The following GPC2 variants were observed in gnomAD, a reference collection of about 807,000 sequenced individuals.
GPC2 encodes glypican-2.
GPC2 carries 42 observed loss-of-function variants against 57.3 expected under a neutral mutation model. The observed-to-expected ratio is 0.73, with a 90% CI of 0.57 to 0.95. The LOEUF (loss-of-function observed/expected upper bound fraction) is 0.95, where lower values mean the gene tolerates loss of function less well. Among genes scored for constraint, GPC2 ranks in the 40% least tolerant of loss-of-function variants. The pLI, the probability that GPC2 is intolerant of heterozygous loss-of-function variation, is 0.00. For missense variants in GPC2, 745 were observed against 793.6 expected, an observed-to-expected ratio of 0.94 and a Z score of 0.74; for synonymous variants, 364 against 343.4, an observed-to-expected ratio of 1.06 and a Z score of -0.66.
In GPC2 at chr7:100,175,913, A is replaced by C. The variant is rs1799263874; in HGVS notation, c.326-19T>G. ...AAAAACTCTGCAGCAAATGCAGGGA[A>C]CAGGTGGAAGGCAGGTCAGGCCAAA... On this transcript the variant is annotated intron_variant, in intron 2 of 9. Transcript: ENST00000292377. The C allele has an allele frequency of 6.2e-7, 1 of 1,607,954 alleles. No homozygotes were observed. Among genetic ancestry groups the C allele is most frequent in the Non-Finnish European group, 8.5e-7 (1 of 1,174,748 alleles).
rs374241494 is a variant in GPC2, at chr7:100,175,568, T to C, written c.648+4A>G. The C allele has an allele frequency of 6.2e-7, 1 of 1,602,604 alleles. No homozygotes were observed. Among genetic ancestry groups the C allele is most frequent in the African/African-American group, 1.3e-5 (1 of 74,742 alleles). On this transcript the variant is annotated splice_donor_region_variant and intron_variant, in intron 3 of 9. Coordinates refer to ENST00000292377, the MANE Select transcript of GPC2 (RefSeq NM_152742.3). ...GTTGAAGCTCAGGCCTCAGGATCCCTCACCTGCAGGCGGAGGCGGCGGGGT... is the reference window on the plus strand; with the variant it reads ...GTTGAAGCTCAGGCCTCAGGATCCCCCACCTGCAGGCGGAGGCGGCGGGGT...
chr7:100,173,439 CTTTCT>C (rs2116985241), intron 5 of GPC2: 1 of 146,544 alleles, frequency 6.8e-6, no homozygotes, highest in Non-Finnish European at 1.5e-5. Flanking sequence ...CTGATAATTT[CTTTCT>C]TTTTTTTTTT....
Position 100,169,928 on chromosome 7 carries a change from G to T in GPC2, c.*302C>A. 1 of 222,994 alleles carries T rather than the reference G, an allele frequency of 4.5e-6. No individual in the cohort carries two copies. The highest frequency in any genetic ancestry group is 8.5e-6 in the Non-Finnish European group (1 of 117,546). The allele number at this position is 222,994 out of a possible 1,614,324, so 13.8% of individuals were successfully genotyped here. On this transcript the variant is annotated 3_prime_UTR_variant, in exon 10 of 10. Transcript: ENST00000292377. ...CAACTCTAAACTCCTCATTTTCTCTGTTGGGGCTGATCACCAGCCCCAGCC... is the reference window on the plus strand; with the variant it reads ...CAACTCTAAACTCCTCATTTTCTCTTTTGGGGCTGATCACCAGCCCCAGCC...
rs781249251 is a variant in GPC2 at position 100,171,551 on chromosome 7, G to GCTCCGGTCCAGCAGGGCGCCGC, written c.1276_1297dup (p.Ala433GlyfsTer72). On this transcript the variant is annotated frameshift_variant, in exon 8 of 10. Transcript: ENST00000292377. LOFTEE classifies it high-confidence loss of function. The surrounding 1 kb of genome is among the most constrained non-coding windows in gnomAD (Gnocchi z 4.8). ...CCCCGAGGCTCACCGGCCCCGCCCG[G>GCTCCGGTCCAGCAGGGCGCCGC]CTCCGGTCCAGCAGGGCGCCGCCTC... 3 of 1,464,130 alleles carry GCTCCGGTCCAGCAGGGCGCCGC rather than the reference G, an allele frequency of 2.0e-6. No individual in the cohort carries two copies. The highest frequency in any genetic ancestry group is 1.8e-6 in the Non-Finnish European group (2 of 1,115,812). The allele number at this position is 1,464,130 out of a possible 1,614,324, so 90.7% of individuals were successfully genotyped here. A position where few individuals can be genotyped will look rare whatever the true frequency, so the allele number is the denominator to read the frequency against.
At chr7:100,174,409 C>A (rs1266048487) in intron 4 of GPC2, 6 of 558,042 alleles carry the variant, frequency 1.1e-5, no homozygotes, top group African/African-American at 1.9e-5. Flanking sequence ...GGGCAGTATC[C>A]AATCTCCTAC....
rs774176070 is a variant in GPC2 at position 100,174,759 on chromosome 7, G to T, written c.655C>A (p.Arg219=). ...SPRRLRLQIT[R]TLVAARAFVQ... is the part of the protein sequence containing the mutation. The stretch of plus-strand genomic sequence containing the variant: ...AAGGCTCGGGCAGCCACCAGGGTCC[G>T]GGTTATCTGGGAGAAGGCAAAGAAG... The change falls in exon 4 of 10, where the codon CGG becomes AGG. Residue 219 remains arginine, a synonymous_variant. Transcript: ENST00000292377. 6.8e-6 allele frequency: 11 copies of T among 1,613,586 alleles called. No homozygotes were observed. The highest frequency in any genetic ancestry group is 8.5e-6 in the Non-Finnish European group (10 of 1,179,696).
chr7:100,170,670 T>G (rs565575600), intron 9 of GPC2, among the ~76,000 whole-genome samples, 187 bp from the exon 10 acceptor site: 5 of 143,384 alleles, frequency 3.5e-5, no homozygotes, highest in South Asian at 2.2e-4. Context: ...AGGAGAGAGA[T>G]CCGACAGCAG....
At position 100,174,739 on chromosome 7, in the gene GPC2, T is replaced by G; in HGVS notation, c.675A>C (p.Arg225=). The G allele has an allele frequency of 6.2e-7, 1 of 1,614,020 alleles. No homozygotes were observed. The highest frequency in any genetic ancestry group is 8.5e-7 in the Non-Finnish European group (1 of 1,179,982). ...LQITRTLVAA[R]AFVQGLETGR... ...CAGTCTCCAGGCCCTGCACAAAGGCTCGGGCAGCCACCAGGGTCCGGGTTA... is the reference window on the plus strand; with the variant it reads ...CAGTCTCCAGGCCCTGCACAAAGGCGCGGGCAGCCACCAGGGTCCGGGTTA... The change falls in exon 4 of 10, where the codon CGA becomes CGC. Residue 225 remains arginine (R), a synonymous_variant. Coordinates refer to ENST00000292377, the MANE Select transcript of GPC2 (RefSeq NM_152742.3).
At chr7:100,176,077 T>TGGGGGGTGG in intron 2 of GPC2, 130 bp downstream of exon 2, 1 of 108,448 alleles carries the variant, frequency 9.2e-6, no homozygotes, top group Non-Finnish European at 1.2e-5. Flanking sequence ...AGACAGAGTC[T>TGGGGGGTGG]GGGGGGTGGG....
rs765590044 is a variant in GPC2, at chr7:100,171,276, C to T, written c.1471G>A (p.Asp491Asn). The stretch of plus-strand genomic sequence containing the variant: ...GGGGTCTCACCCGCGTCCTGCCCGT[C>T]CAGGTCGTGTCCCAGTGCGGCCGTT... The part of the protein sequence containing the change: ...MKTAALGHDL[D>N]GQDADEDASG... The change falls in exon 9 of 10, where the codon GAC (aspartate) becomes AAC (asparagine). Residue 491 changes from aspartate (D) to asparagine (N), a missense_variant. Transcript: ENST00000292377. This position sits in a 1 kb window ranked among gnomAD's most constrained non-coding sequence, Gnocchi z 4.8. 6.5e-7 allele frequency: 1 copy of T among 1,535,398 alleles called. No homozygotes were observed. Among genetic ancestry groups the T allele is most frequent in the Non-Finnish European group, 8.8e-7 (1 of 1,139,930 alleles).
rs982166376 is a variant in GPC2, at chr7:100,170,259, A to G, written c.1711T>C (p.Ser571Pro). The G allele has an allele frequency of 1.3e-6, 2 of 1,571,642 alleles. No individual in the cohort carries two copies. The highest frequency in any genetic ancestry group is 1.7e-6 in the Non-Finnish European group (2 of 1,157,666). Reference sequence around the variant, plus strand: ...CGAGGTCCAAGCAGGGCCAGGGCTGAGAGGGAGAGAATGAGGATGGTTTGG... The same window carrying G: ...CGAGGTCCAAGCAGGGCCAGGGCTGGGAGGGAGAGAATGAGGATGGTTTGG... ...HTQTILILSL[S>P]ALALLGPR The change falls in exon 10 of 10, where the codon TCA (serine) becomes CCA (proline). Residue 571 changes from serine (S) to proline (P), a missense_variant. Physicochemically the swap from Ser to Pro is moderately conservative, Grantham distance 74 (BLOSUM62 -1). This residue lies in a region of GPC2 where 607 missense variants were observed against 603.9 expected (regional missense o/e 1.01). Coordinates refer to ENST00000292377, the MANE Select transcript of GPC2 (RefSeq NM_152742.3).
At position 100,177,117 on chromosome 7, in the gene GPC2, A is replaced by T; in HGVS notation, c.83T>A (p.Val28Asp). 1 of 1,613,262 alleles carries T rather than the reference A, an allele frequency of 6.2e-7. No homozygotes were observed. Among genetic ancestry groups the T allele is most frequent in the Non-Finnish European group, 8.5e-7 (1 of 1,179,718 alleles). Residue 28 changes from valine to aspartate, a missense_variant, in exon 1 of 10, where the codon GTC becomes GAC. By Grantham distance (152) the Val-to-Asp change is radical (BLOSUM62 -3). Transcript: ENST00000292377. The part of the protein sequence containing the change: ...PGPGPGSEAK[V>D]TRSCAETRQV... ...CCGGGTCTCTGCACAACTCCGGGTG[A>T]CCTTTGCCTCGCTCCCGGGTCCGGG...
Position 100,173,961 on chromosome 7 carries a change from G to C in GPC2, c.766C>G (p.Arg256Gly). The change falls in exon 5 of 10, where the codon CGT becomes GGT. Residue 256 changes from arginine to glycine, a missense_variant. By Grantham distance (125) the Arg-to-Gly change is moderately radical. Around this residue, in one of 2 missense-constraint regions of GPC2, gnomAD observed 607 missense variants for 603.9 expected, o/e 1.01. Coordinates refer to ENST00000292377, the MANE Select transcript of GPC2 (RefSeq NM_152742.3). Reference protein sequence around the residue: ...VSEGCSQALMRLIGCPLCRGV... With the variant: ...VSEGCSQALMGLIGCPLCRGV... ...CGGCACAGGGGACAGCCGATGAGAC[G>C]CATCAGAGCCTGGCTGCAGCCTTCA... is the stretch of plus-strand genomic sequence containing the variant. The C allele has an allele frequency of 1.9e-6, 3 of 1,596,872 alleles. No homozygotes were observed. The highest frequency in any genetic ancestry group is 2.2e-5 in the South Asian group (2 of 89,014).
intron 1 of GPC2, 49 bp downstream of exon 1, chr7:100,176,985 C>CGGGGGGGGGGGGGGGGGGGGGG: frequency 6.9e-6 from 3 of 432,530 alleles, no homozygotes; most frequent in Non-Finnish European, 1.1e-5. Flanking sequence ...GAGGAGGCCC[C>CGGGGGGGGGGGGGGGGGGGGGG]GCCCCCGCCC....
rs1227770174 is a variant in GPC2, at chr7:100,171,258, C to T, written c.1486+3G>A. 2.0e-6 allele frequency: 3 copies of T among 1,530,524 alleles called. No individual in the cohort carries two copies. The highest frequency in any genetic ancestry group is 2.6e-6 in the Non-Finnish European group (3 of 1,137,772). 94.8% of individuals were successfully genotyped at this position (1,530,524 alleles called of 1,614,324 possible). ...CTCAGGCTCAGGGATGCAGGGGTCT[C>T]ACCCGCGTCCTGCCCGTCCAGGTCG... is the stretch of plus-strand genomic sequence containing the variant. On this transcript the variant is annotated splice_donor_region_variant and intron_variant, in intron 9 of 9. Coordinates refer to ENST00000292377, the MANE Select transcript of GPC2 (RefSeq NM_152742.3). The surrounding 1 kb of genome is among the most constrained non-coding windows in gnomAD (Gnocchi z 4.8).
intron 5 of GPC2, 77 bp from the exon 6 acceptor site, chr7:100,172,294 C>T: frequency 2.7e-6 from 4 of 1,495,596 alleles, no homozygotes; most frequent in Non-Finnish European, 2.7e-6. Context: ...AATCCTCACT[C>T]GGGCCTTAGA....
At chr7:100,175,025 G>A (rs897295140) in intron 3 of GPC2, among the ~76,000 whole-genome samples, 4 of 152,152 alleles carry the variant, frequency 2.6e-5, no homozygotes, top group Admixed American at 2.0e-4. Context: ...ATTGTGTATC[G>A]GAACTAACAC....
rs1351741487 is a variant in GPC2 at position 100,171,723 on chromosome 7, A to G, written c.1171-45T>C. The G allele has an allele frequency of 6.0e-6, 9 of 1,492,866 alleles. No individual in the cohort carries two copies. In the South Asian group the frequency reaches 8.9e-5, roughly 15 times the overall value. The allele number at this position is 1,492,866 out of a possible 1,614,324, so 92.5% of individuals were successfully genotyped here. ...CGGGGCGAGCTGGAGCGCGACCCCC[A>G]CAACCATCCCCGGCCCCGGGCCCCC... On this transcript the variant is annotated intron_variant, in intron 7 of 9. Coordinates refer to ENST00000292377, the MANE Select transcript of GPC2 (RefSeq NM_152742.3). This position sits in a 1 kb window ranked among gnomAD's most constrained non-coding sequence, Gnocchi z 4.8.
At chr7:100,172,262 A>G in intron 5 of GPC2, 45 bp from the exon 6 acceptor site, 1 of 1,602,146 alleles carries the variant, frequency 6.2e-7, no homozygotes, top group Non-Finnish European at 8.5e-7. Flanking sequence ...GAGTGGTGAT[A>G]CTGAACTAGG....
Sources: gnomAD v4.1 joint callset for allele counts (sites outside exome capture counted in the v4.1 genomes callset) on GRCh38, gnomAD v4.1.1 for gene constraint, gnomAD v4.1.1 regional missense constraint, Gnocchi (gnomAD v3.1) non-coding constraint, MANE v1.5 for transcripts, NCBI Gene and HGNC (gene_info 2026-07-23, HGNC 2026-07-21) for gene names.